ARHGAP44: variants seen among roughly 807,000 people sequenced by gnomAD.
ARHGAP44 encodes Rho GTPase activating protein 44, also known as rho GTPase-activating protein 44.
In ARHGAP44, 43 loss-of-function variants were observed where a neutral mutation model predicts 106.8. That is an observed-to-expected ratio of 0.40 (90% CI 0.32 to 0.52). ARHGAP44 has a LOEUF of 0.52. Among genes scored for constraint, ARHGAP44 ranks in the 20% least tolerant of loss-of-function variants. The probability of loss-of-function intolerance (pLI) is 0.48; values close to 1 mark genes in which losing one functional copy is unlikely to be tolerated. For missense variants in ARHGAP44, 866 were observed against 1,050.5 expected (o/e 0.82, Z 2.43); for synonymous variants, 439 against 410.3 (o/e 1.07, Z -0.85).
intron 20 of ARHGAP44, chr17:12,987,334 T>G (rs57940266): frequency 0.12 from 63,143 of 514,716 alleles, 4,438 homozygotes; most frequent in Middle Eastern, 0.21. Context: ...CTTTGGGGCA[T>G]CCCTGGCCTC....
intron 1 of ARHGAP44, among the ~76,000 whole-genome samples, chr17:12,875,195 T>C (rs1466689202): frequency 6.6e-6 from 1 of 152,162 alleles, no homozygotes; most frequent in African/African-American, 2.4e-5. Context: ...TTTTTATTTT[T>C]AACAAATCTT....
chr17:12,865,308 A>G (rs1445209105), intron 1 of ARHGAP44, among the ~76,000 whole-genome samples: 2 of 152,228 alleles, frequency 1.3e-5, no homozygotes, highest in Admixed American at 6.5e-5. Flanking sequence ...ACAATTCTAC[A>G]TCAAGCTCAA....
At chr17:12,828,199 GT>G (rs1040266933) in intron 1 of ARHGAP44, among the ~76,000 whole-genome samples, 3 of 151,940 alleles carry the variant, frequency 2.0e-5, no homozygotes, top group African/African-American at 4.8e-5. Flanking sequence ...AATAATGGTA[GT>G]TTTTTTCTCT....
chr17:12,904,843 G>C (rs2037498232), intron 3 of ARHGAP44, among the ~76,000 whole-genome samples: 2 of 152,150 alleles, frequency 1.3e-5, no homozygotes, highest in Non-Finnish European at 2.9e-5. Flanking sequence ...AAGTGGTTGA[G>C]GGATGAGTGA....
At chr17:12,845,829 C>G (rs745779432) in intron 1 of ARHGAP44, among the ~76,000 whole-genome samples, 3 of 152,180 alleles carry the variant, frequency 2.0e-5, no homozygotes, top group Non-Finnish European at 4.4e-5. Flanking sequence ...CACTGTAACT[C>G]AAGAAATCCA....
intron 4 of ARHGAP44, among the ~76,000 whole-genome samples, chr17:12,910,445 C>A (rs1211571840): frequency 3.3e-5 from 1 of 30,052 alleles, no homozygotes; most frequent in South Asian, 2.4e-3. Flanking sequence ...GCTTATGTAG[C>A]CTTTTTTTTT....
intron 20 of ARHGAP44, among the ~76,000 whole-genome samples, chr17:12,989,797 A>G (rs899714718): frequency 2.6e-5 from 4 of 152,130 alleles, no homozygotes; most frequent in Admixed American, 2.6e-4. Context: ...CTTCCTCTGA[A>G]CCACAGTGGC....
chr17:12,808,555 C>G (rs761285588), intron 1 of ARHGAP44, among the ~76,000 whole-genome samples: 7 of 152,216 alleles, frequency 4.6e-5, no homozygotes, highest in Non-Finnish European at 1.0e-4. Flanking sequence ...AAGTCACAGC[C>G]CAAGCTGTAC....
intron 7 of ARHGAP44, among the ~76,000 whole-genome samples, chr17:12,940,636 G>A (rs941526823): frequency 3.3e-5 from 5 of 152,206 alleles, no homozygotes; most frequent in African/African-American, 1.2e-4. Flanking sequence ...TGTTGAGTCA[G>A]TATTGAGAAT....
At chr17:12,843,411 A>ATT (rs67301977) in intron 1 of ARHGAP44, among the ~76,000 whole-genome samples, 5 of 150,306 alleles carry the variant, frequency 3.3e-5, no homozygotes, top group African/African-American at 1.2e-4. Flanking sequence ...CATTGTAAGC[A>ATT]TTTTTTTTTC....
At chr17:12,911,049 C>CAA (rs60781678) in intron 4 of ARHGAP44, among the ~76,000 whole-genome samples, 14,213 of 128,232 alleles carry the variant, frequency 0.11, 1,108 homozygotes, top group East Asian at 0.31. Context: ...AAAAAGTAAC[C>CAA]AAAAAAAAAA....
intron 1 of ARHGAP44, among the ~76,000 whole-genome samples, chr17:12,860,511 G>A (rs1227347846): frequency 6.6e-6 from 1 of 152,168 alleles, no homozygotes; most frequent in Non-Finnish European, 1.5e-5. Context: ...TTTATCTCCA[G>A]CATTTCCAGT....
intron 16 of ARHGAP44, among the ~76,000 whole-genome samples, chr17:12,968,717 G>C (rs2039451241): frequency 6.6e-6 from 1 of 150,906 alleles, no homozygotes; most frequent in African/African-American, 2.4e-5. Context: ...TTTTTTTCCA[G>C]TCCCCATTTT....
At chr17:12,897,157 G>T (rs532510833) in intron 3 of ARHGAP44, among the ~76,000 whole-genome samples, 2 of 152,218 alleles carry the variant, frequency 1.3e-5, no homozygotes, top group East Asian at 1.9e-4. Flanking sequence ...AAGATTAAAA[G>T]ATATTCTTAG....
At chr17:12,855,442 G>C (rs1435557017) in intron 1 of ARHGAP44, among the ~76,000 whole-genome samples, 1 of 151,784 alleles carries the variant, frequency 6.6e-6, no homozygotes, top group Non-Finnish European at 1.5e-5. Flanking sequence ...TTCTAAATTT[G>C]GAGTCCTGCT....
chr17:12,919,945 C>T (rs989787391), intron 6 of ARHGAP44, 114 bp downstream of exon 6: 2 of 787,644 alleles, frequency 2.5e-6, no homozygotes, highest in South Asian at 3.6e-5. Context: ...TTCTGGACAC[C>T]TAACGTGTAC....
intron 1 of ARHGAP44, among the ~76,000 whole-genome samples, chr17:12,814,385 C>T (rs995631746): frequency 2.6e-5 from 4 of 151,620 alleles, no homozygotes; most frequent in Non-Finnish European, 4.4e-5. Context: ...GGATTACAGG[C>T]GCCTGCCACC....
intron 1 of ARHGAP44, among the ~76,000 whole-genome samples, chr17:12,851,182 C>T (rs1327795657): frequency 3.3e-5 from 5 of 152,232 alleles, no homozygotes; most frequent in South Asian, 2.1e-4. Context: ...GGCCTGCCCA[C>T]GTAAAGGCTG....
At chr17:12,965,551 A>G (rs776452524) in intron 16 of ARHGAP44, among the ~76,000 whole-genome samples, 2 of 152,204 alleles carry the variant, frequency 1.3e-5, no homozygotes, top group Admixed American at 6.5e-5. Context: ...CCTATGGTAT[A>G]CCAGTTTCCA....
Sources: gnomAD v4.1 joint callset for allele counts (sites outside exome capture counted in the v4.1 genomes callset) on GRCh38, gnomAD v4.1.1 for gene constraint, MANE v1.5 for transcripts, NCBI Gene and HGNC (gene_info 2026-07-23, HGNC 2026-07-21) for gene names.